MYH11: variants seen among roughly 807,000 people sequenced by gnomAD.
MYH11 encodes the protein myosin-11.
In MYH11, 80 loss-of-function variants were observed where a neutral mutation model predicts 246.6. The ratio of observed to expected loss-of-function variants is 0.32; its 90% CI spans 0.27 to 0.39. MYH11 has a LOEUF of 0.39. Ranked by LOEUF, MYH11 falls within the 10% of genes least tolerant of loss-of-function variation. MYH11 has a pLI of 1.00. For missense variants in MYH11, 2,158 were observed against 2,546.8 expected, an observed-to-expected ratio of 0.85 and a Z score of 3.29; for synonymous variants, 1,071 against 1,015.5, an observed-to-expected ratio of 1.05 and a Z score of -1.04.
chr16:15,724,550 C>T, intron 30 of MYH11, 97 bp downstream of exon 30: 1 of 1,607,184 alleles, frequency 6.2e-7, no homozygotes, highest in Non-Finnish European at 8.5e-7. Context: ...GGTCAAGCAC[C>T]ATCGCACCAA....
At chr16:15,802,442 G>A (rs1478623870) in intron 3 of MYH11, among the ~76,000 whole-genome samples, 2 of 152,170 alleles carry the variant, frequency 1.3e-5, no homozygotes, top group East Asian at 3.9e-4. Flanking sequence ...CTCAGACTGC[G>A]ATGTTATTGA....
rs1300334455 is a variant in MYH11 at position 15,706,839 on chromosome 16, C to T, written c.5787-2716G>A. Among the ~76,000 whole-genome samples, 8 of 152,142 alleles carry T rather than the reference C, an allele frequency of 5.3e-5. 1 individual carries two copies. On this transcript the variant is annotated intron_variant, in intron 40 of 40. Coordinates refer to ENST00000300036, the MANE Select transcript of MYH11 (RefSeq NM_002474.3). The stretch of plus-strand genomic sequence containing the variant: ...GAAAAGCTTAATGGATAAATTTGCT[C>T]CCTTGACCTAAGAAATACATTGTGC...
intron 20 of MYH11, among the ~76,000 whole-genome samples, chr16:15,742,507 C>T (rs72772026): frequency 0.013 from 1,947 of 152,114 alleles, 14 homozygotes; most frequent in Non-Finnish European, 0.021. Context: ...TTTGGGAGGC[C>T]GAGGCAAGCG....
intron 9 of MYH11, among the ~76,000 whole-genome samples, chr16:15,764,371 T>C (rs994965792): frequency 6.6e-6 from 1 of 151,958 alleles, no homozygotes; most frequent in Non-Finnish European, 1.5e-5. Context: ...GGGGCCAGCA[T>C]AGTGACTCAT....
chr16:15,767,104 G>A (rs1477613050), intron 9 of MYH11, among the ~76,000 whole-genome samples: 2 of 152,128 alleles, frequency 1.3e-5, no homozygotes, highest in African/African-American at 4.8e-5. Flanking sequence ...ATGTATAAAT[G>A]TATAGAGGAT....
chr16:15,778,723 C>A (rs191327799), intron 7 of MYH11, 57 bp downstream of exon 7: 131 of 1,542,328 alleles, frequency 8.5e-5, no homozygotes, highest in Admixed American at 7.8e-4. Context: ...AGCCTCTGGG[C>A]AGGAGATTGG....
chr16:15,800,056 A>G (rs567290681), intron 3 of MYH11, among the ~76,000 whole-genome samples: 1 of 150,714 alleles, frequency 6.6e-6, no homozygotes, highest in Admixed American at 6.6e-5. Flanking sequence ...AGACAGATGG[A>G]CGGGAGGGTG....
At chr16:15,813,131 C>T (rs1403782419) in intron 3 of MYH11, among the ~76,000 whole-genome samples, 1 of 152,174 alleles carries the variant, frequency 6.6e-6, no homozygotes, top group Non-Finnish European at 1.5e-5. Context: ...CGTGCCATTG[C>T]ACTCCAGCCT....
chr16:15,822,161 G>A (rs1457728394), intron 3 of MYH11, among the ~76,000 whole-genome samples: 1 of 152,170 alleles, frequency 6.6e-6, no homozygotes, highest in Non-Finnish European at 1.5e-5. Context: ...GCATCTCTCA[G>A]GCACACCTGG....
At chr16:15,850,072 C>G (rs974131503) in intron 1 of MYH11, among the ~76,000 whole-genome samples, 1 of 152,184 alleles carries the variant, frequency 6.6e-6, no homozygotes, top group African/African-American at 2.4e-5. Flanking sequence ...ATCTTGCCCT[C>G]TCTGCTTCAG....
chr16:15,739,029 A>C (rs1426924053), intron 23 of MYH11, among the ~76,000 whole-genome samples: 1 of 151,740 alleles, frequency 6.6e-6, no homozygotes, highest in Non-Finnish European at 1.5e-5. Flanking sequence ...CTTCATCTTT[A>C]AGTTTCTGCT....
In MYH11 at chr16:15,788,095, T is replaced by TTTTTTTTA. The variant is rs11273419; in HGVS notation, c.531-1364_531-1363insTAAAAAAA. Among the ~76,000 whole-genome samples the TTTTTTTTA allele has an allele frequency of 1.7e-3, 165 of 99,490 alleles. 15 individuals carry two copies. In the East Asian group the frequency reaches 0.018, roughly 11 times the overall value. 65.3% of individuals were successfully genotyped at this position (99,490 alleles called of 152,430 possible). A position where few individuals can be genotyped will look rare whatever the true frequency, so the allele number is the denominator to read the frequency against. On this transcript the variant is annotated intron_variant, in intron 4 of 40. Transcript: ENST00000300036. ...GGTAGATCTTTTTTTTTTTTTTTTT[T>TTTTTTTTA]ACCAAGATGGCTTTCGTGCACTAGC...
intron 40 of MYH11, among the ~76,000 whole-genome samples, chr16:15,707,069 C>T (rs373615208): frequency 2.4e-4 from 37 of 152,162 alleles, no homozygotes; most frequent in East Asian, 1.4e-3. Flanking sequence ...AATAGAGTCT[C>T]GCTGTGTTGC....
chr16:15,712,882 G>GTTTTTTTTTTTTTGTTTTTTTTTTTTTTT (rs2039893465), intron 40 of MYH11: 1 of 90,636 alleles, frequency 1.1e-5, no homozygotes, highest in Admixed American at 1.1e-4. Flanking sequence ...TTCACATACA[G>GTTTTTTTTTTTTTGTTTTTTTTTTTTTTT]TTTTTTTTTT....
At chr16:15,763,741 T>TGGGGGGGCCCCCCCCCCCCCCCCCCC in intron 10 of MYH11, 55 bp downstream of exon 10, 1 of 646,862 alleles carries the variant, frequency 1.5e-6, no homozygotes. Context: ...AAATGTCACC[T>TGGGGGGGCCCCCCCCCCCCCCCCCCC]CCCCCACCCC....
At chr16:15,725,126 G>A in intron 28 of MYH11, 134 bp from the exon 29 acceptor site, 1 of 678,408 alleles carries the variant, frequency 1.5e-6, no homozygotes, top group Non-Finnish European at 2.5e-6. Context: ...TGAGGTATGG[G>A]ACTCTGATAA....
intron 1 of MYH11, among the ~76,000 whole-genome samples, chr16:15,839,484 G>C (rs1452846451): frequency 6.6e-6 from 1 of 151,664 alleles, no homozygotes; most frequent in South Asian, 2.1e-4. Flanking sequence ...CCTGAGGTCA[G>C]GAGTTCAAGA....
intron 40 of MYH11, 71 bp downstream of exon 40, chr16:15,714,838 A>G: frequency 1.3e-6 from 2 of 1,590,984 alleles, no homozygotes; most frequent in East Asian, 2.2e-5. Flanking sequence ...TGCAGGCCGA[A>G]AGGAGCCCGA....
intron 2 of MYH11, among the ~76,000 whole-genome samples, chr16:15,837,526 G>A (rs921016396): frequency 7.3e-6 from 1 of 137,232 alleles, no homozygotes; most frequent in Non-Finnish European, 1.5e-5. Context: ...CAAACCTTCA[G>A]CCTCCCATTT....
Sources: allele counts gnomAD v4.1 joint callset (sites outside exome capture counted in the v4.1 genomes callset), GRCh38; gene constraint gnomAD v4.1.1; transcripts MANE v1.5; gene names NCBI Gene and HGNC (gene_info 2026-07-23, HGNC 2026-07-21).